FAM98C: variants seen among roughly 807,000 people sequenced by gnomAD.
The protein encoded by FAM98C is tRNA splicing ligase complex subunit 3C, also known as protein FAM98C.
Under a neutral mutation model 41.1 loss-of-function variants are expected in FAM98C, and 38 were observed. The observed-to-expected ratio is 0.92, with a 90% CI of 0.71 to 1.21. The LOEUF (loss-of-function observed/expected upper bound fraction) is 1.21, where lower values mean the gene tolerates loss of function less well. Among genes scored for constraint, FAM98C ranks in the 50% most tolerant of loss-of-function variants. The pLI is 0.00. For missense variants in FAM98C, 493 were observed against 484.7 expected (o/e 1.02, Z -0.16); for synonymous variants, 195 against 216.7 (o/e 0.90, Z 0.88).
chr19:38,403,377 A>G lies in FAM98C; in HGVS notation c.105A>G (p.Ser35=). Residue 35 remains serine, a synonymous_variant, in exon 2 of 8, where the codon TCA becomes TCG. Coordinates refer to ENST00000252530, the MANE Select transcript of FAM98C (RefSeq NM_174905.4). The part of the protein sequence containing the change: ...GVPGAASRGA[S]CPDFRGLCVR... Reference sequence around the variant, plus strand: ...CGGGGGCGGCGTCGCGGGGCGCCTCATGCCCAGACTTCAGGGGGCTGTGCG... The same window carrying G: ...CGGGGGCGGCGTCGCGGGGCGCCTCGTGCCCAGACTTCAGGGGGCTGTGCG... 1 of 1,470,942 alleles carries G rather than the reference A, an allele frequency of 6.8e-7. No individual in the cohort carries two copies. Among genetic ancestry groups the G allele is most frequent in the Non-Finnish European group, 8.9e-7 (1 of 1,125,722 alleles). 91.1% of individuals were successfully genotyped at this position (1,470,942 alleles called of 1,614,324 possible).
Position 38,403,607 on chromosome 19 carries a change from C to A in FAM98C, c.262C>A (p.Arg88=), listed in dbSNP as rs752268346. 7 of 1,495,470 alleles carry A rather than the reference C, an allele frequency of 4.7e-6. No homozygotes were observed. The highest frequency in any genetic ancestry group is 6.2e-6 in the Non-Finnish European group (7 of 1,133,242). The allele number at this position is 1,495,470 out of a possible 1,614,324, so 92.6% of individuals were successfully genotyped here. The change falls in exon 3 of 8, where the codon CGG becomes AGG. Residue 88 remains arginine, a synonymous_variant. Coordinates refer to ENST00000252530, the MANE Select transcript of FAM98C (RefSeq NM_174905.4). ...TCTGCGGCAGCTCGGCAGCCTGCTGCGGGAGCTGCACTGCCCGGATCGCGC... is the reference window on the plus strand; with the variant it reads ...TCTGCGGCAGCTCGGCAGCCTGCTGAGGGAGCTGCACTGCCCGGATCGCGC... ...DFLRQLGSLL[R]ELHCPDRALC... is the part of the protein sequence containing the mutation.
In FAM98C at chr19:38,403,695, G is replaced by A. The variant is rs770710021; in HGVS notation, c.349+1G>A. On this transcript the variant is annotated splice_donor_variant, in intron 3 of 7. Coordinates refer to ENST00000252530, the MANE Select transcript of FAM98C (RefSeq NM_174905.4). LOFTEE classifies it high-confidence loss of function. ...CCCGGTGCCGGACTGCGCCTGCTGC[G>A]TGAGTCCCGGGATGCAGAAGTGGCA... The A allele has an allele frequency of 1.4e-6, 2 of 1,409,356 alleles. No individual in the cohort carries two copies. Among genetic ancestry groups the A allele is most frequent in the South Asian group, 1.6e-5 (1 of 63,120 alleles). 87.3% of individuals were successfully genotyped at this position (1,409,356 alleles called of 1,614,324 possible).
chr19:38,408,412 A>G, intron 7 of FAM98C: 1 of 228,704 alleles, frequency 4.4e-6, no homozygotes, highest in Non-Finnish European at 8.8e-6. Flanking sequence ...ATAAAAAATT[A>G]GCCAGGCGTG....
In FAM98C at chr19:38,408,751, G is replaced by A. The variant is rs1235476612; in HGVS notation, c.919G>A (p.Val307Met). 6.2e-7 allele frequency: 1 copy of A among 1,614,008 alleles called. No individual in the cohort carries two copies. The highest frequency in any genetic ancestry group is 1.7e-5 in the Admixed American group (1 of 60,002). ...RRGTCCAINKVLMGNVPDRGG... is the reference protein window; with the variant it reads ...RRGTCCAINKMLMGNVPDRGG... ...CAACTCAAATCTCATAAACTCTCAG[G>A]TGCTTATGGGCAACGTTCCAGACCG... The change falls in exon 8 of 8, where the codon GTG becomes ATG. Residue 307 changes from valine to methionine, a missense_variant and splice_region_variant. Coordinates refer to ENST00000252530, the MANE Select transcript of FAM98C (RefSeq NM_174905.4).
At chr19:38,405,486 C>A (rs1475617374) in intron 5 of FAM98C, 33 bp from the exon 6 acceptor site, 2 of 1,613,928 alleles carry the variant, frequency 1.2e-6, no homozygotes, top group Non-Finnish European at 1.7e-6. Flanking sequence ...GTGAGAGGGA[C>A]CCCTAGCCTG....
In FAM98C at chr19:38,403,221, A is replaced by G. The variant is rs375145477; in HGVS notation, c.65+3A>G. ...GCCCAGGACCTGCTGGCTCTGGGGTAAAAGGGTGTGCGGTGAGGCTGGTGG... is the reference window on the plus strand; with the variant it reads ...GCCCAGGACCTGCTGGCTCTGGGGTGAAAGGGTGTGCGGTGAGGCTGGTGG... On this transcript the variant is annotated splice_donor_region_variant and intron_variant, in intron 1 of 7. Coordinates refer to ENST00000252530, the MANE Select transcript of FAM98C (RefSeq NM_174905.4). 3.1e-4 allele frequency: 481 copies of G among 1,558,560 alleles called. 1 individual carries two copies. In the African/African-American group the frequency reaches 5.6e-3, roughly 18 times the overall value.
In FAM98C at chr19:38,409,038, C is replaced by A; in HGVS notation, c.*156C>A. The A allele has an allele frequency of 3.1e-6, 2 of 638,698 alleles. No homozygotes were observed. Among genetic ancestry groups the A allele is most frequent in the Non-Finnish European group, 4.9e-6 (2 of 410,888 alleles). 39.6% of individuals were successfully genotyped at this position (638,698 alleles called of 1,614,324 possible). On this transcript the variant is annotated 3_prime_UTR_variant, in exon 8 of 8. Coordinates refer to ENST00000252530, the MANE Select transcript of FAM98C (RefSeq NM_174905.4). Reference sequence around the variant, plus strand: ...CCAAATGCCCTGCTCCCATTCACGTCAATACCAAGAACCATGTTCTCCAGA... The same window carrying A: ...CCAAATGCCCTGCTCCCATTCACGTAAATACCAAGAACCATGTTCTCCAGA...
In FAM98C at chr19:38,404,949, C is replaced by G; in HGVS notation, c.391C>G (p.Leu131Val). The G allele has an allele frequency of 1.2e-5, 19 of 1,614,164 alleles. No individual in the cohort carries two copies. The highest frequency in any genetic ancestry group is 1.6e-5 in the Non-Finnish European group (19 of 1,180,032). The change falls in exon 4 of 8, where the codon CTC becomes GTC. Residue 131 changes from leucine (L) to valine (V), a missense_variant. Coordinates refer to ENST00000252530, the MANE Select transcript of FAM98C (RefSeq NM_174905.4). Reference protein sequence around the residue: ...SELQATRLLCLRSLLDPSPRP... With the variant: ...SELQATRLLCVRSLLDPSPRP... ...GCTCCAAGCCACCCGCCTCCTGTGCCTCCGCTCTCTGCTGGATCCGAGTCC... is the reference window on the plus strand; with the variant it reads ...GCTCCAAGCCACCCGCCTCCTGTGCGTCCGCTCTCTGCTGGATCCGAGTCC...
intron 6 of FAM98C, chr19:38,406,555 C>T (rs376790597): frequency 1.6e-5 from 3 of 189,802 alleles, no homozygotes; most frequent in Admixed American, 5.3e-5. Context: ...GCAAGAGGAT[C>T]ACTTGAGCTC....
At chr19:38,405,919 C>T (rs559389536) in intron 6 of FAM98C, 56 of 339,340 alleles carry the variant, frequency 1.7e-4, no homozygotes, top group African/African-American at 9.9e-4. Context: ...TGTGGTGGTG[C>T]GATCTCAGCT....
In FAM98C at chr19:38,408,852, T is replaced by G; in HGVS notation, c.1020T>G (p.Cys340Trp). Residue 340 changes from cysteine (C) to tryptophan (W), a missense_variant, in exon 8 of 8, where the codon TGT becomes TGG. Coordinates refer to ENST00000252530, the MANE Select transcript of FAM98C (RefSeq NM_174905.4). ...GAAGAGAGGATGGAGGCCCCCAGTG[T>G]TGGGGTCGCAAGAAGAAGAAGAAGA... ...RSRREDGGPQ[C>W]WGRKKKKKK is the part of the protein sequence containing the mutation. 1 of 1,590,954 alleles carries G rather than the reference T, an allele frequency of 6.3e-7. No homozygotes were observed.
In FAM98C at chr19:38,403,637, T is replaced by C. The variant is rs1970998050; in HGVS notation, c.292T>C (p.Cys98Arg). 2.1e-6 allele frequency: 3 copies of C among 1,420,280 alleles called. No homozygotes were observed. Among genetic ancestry groups the C allele is most frequent in the Non-Finnish European group, 2.7e-6 (3 of 1,097,160 alleles). 88.0% of individuals were successfully genotyped at this position (1,420,280 alleles called of 1,614,324 possible). The change falls in exon 3 of 8, where the codon TGC (cysteine) becomes CGC (arginine). Residue 98 changes from cysteine to arginine, a missense_variant. Cys to Arg is a radical substitution (Grantham distance 180). Transcript: ENST00000252530. Reference sequence around the variant, plus strand: ...GCTGCACTGCCCGGATCGCGCGCTCTGCGGCGGGGATGGCGCGGCTGCGCT... The same window carrying C: ...GCTGCACTGCCCGGATCGCGCGCTCCGCGGCGGGGATGGCGCGGCTGCGCT... ...RELHCPDRAL[C>R]GGDGAAALRE...
chr19:38,406,852 C>G, intron 6 of FAM98C, 58 bp from the exon 7 acceptor site: 1 of 1,555,476 alleles, frequency 6.4e-7, no homozygotes, highest in Non-Finnish European at 8.8e-7. Context: ...TCCAAGATGA[C>G]AGGTCCCACG....
chr19:38,403,163 G>T lies in FAM98C; in HGVS notation c.10G>T (p.Val4Leu). The part of the protein sequence containing the change: MEA[V>L]KAEAWEGAAV... ...CCGAGACCACACTTTCATGGAGGCG[G>T]TGAAGGCGGAAGCGTGGGAGGGGGC... Residue 4 changes from valine to leucine, a missense_variant, in exon 1 of 8, where the codon GTG becomes TTG. Val to Leu is a conservative substitution (Grantham distance 32, BLOSUM62 1). Transcript: ENST00000252530. 1 of 1,532,414 alleles carries T rather than the reference G, an allele frequency of 6.5e-7. No homozygotes were observed. Among genetic ancestry groups the T allele is most frequent in the Non-Finnish European group, 8.7e-7 (1 of 1,152,870 alleles). The allele number at this position is 1,532,414 out of a possible 1,614,324, so 94.9% of individuals were successfully genotyped here.
At position 38,407,004 on chromosome 19, in the gene FAM98C, G is replaced by T; in HGVS notation, c.845G>T (p.Arg282Leu). 1.2e-6 allele frequency: 2 copies of T among 1,614,172 alleles called. No homozygotes were observed. Among genetic ancestry groups the T allele is most frequent in the East Asian group, 2.2e-5 (1 of 44,870 alleles). Residue 282 changes from arginine to leucine, a missense_variant, in exon 7 of 8, where the codon CGA becomes CTA. Transcript: ENST00000252530. ...DISIAHVLAARADLSCLVPAT... is the reference protein window; with the variant it reads ...DISIAHVLAALADLSCLVPAT... ...TCCATTGCACACGTTCTGGCTGCCC[G>T]AGCCGACCTGTCTTGTCTCGTCCCA...
rs10153497 is a variant in FAM98C at position 38,406,606 on chromosome 19, G to A, written c.751-304G>A. 5.6e-3 allele frequency: 1,474 copies of A among 261,154 alleles called. 21 individuals are homozygous for A. Among genetic ancestry groups the A allele is most frequent in the African/African-American group, 0.029 (1,333 of 45,860 alleles). The allele number at this position is 261,154 out of a possible 1,614,324, so 16.2% of individuals were successfully genotyped here. On this transcript the variant is annotated intron_variant, in intron 6 of 7. Coordinates refer to ENST00000252530, the MANE Select transcript of FAM98C (RefSeq NM_174905.4). ...CCTTGGGCAACATAGCAAGACCCCC[G>A]TCTCTACTAAAAATTAAAAAAAAAA... is the stretch of plus-strand genomic sequence containing the variant.
intron 3 of FAM98C, 90 bp from the exon 4 acceptor site, chr19:38,404,818 C>G: frequency 6.9e-7 from 1 of 1,446,412 alleles, no homozygotes; most frequent in Non-Finnish European, 9.7e-7. Flanking sequence ...TGTGAGCCAC[C>G]GCACCCGGCC....
In FAM98C at chr19:38,405,553, A is replaced by G; in HGVS notation, c.668A>G (p.Asp223Gly). Residue 223 changes from aspartate (D) to glycine (G), a missense_variant, in exon 6 of 8, where the codon GAT becomes GGT. By Grantham distance (94) the Asp-to-Gly change is moderately conservative (BLOSUM62 -1). Coordinates refer to ENST00000252530, the MANE Select transcript of FAM98C (RefSeq NM_174905.4). ...GAGTCTCTGTCCCAAAGCCTCAGAG[A>G]TCAGTACCGCTGCCGCCGCTGCCTC... ...ALESLSQSLRDQYRCRRCLLL... is the reference protein window; with the variant it reads ...ALESLSQSLRGQYRCRRCLLL... 1.2e-6 allele frequency: 2 copies of G among 1,614,158 alleles called. No individual in the cohort carries two copies. The highest frequency in any genetic ancestry group is 8.5e-7 in the Non-Finnish European group (1 of 1,180,028).
chr19:38,407,532 G>A lies in FAM98C; in HGVS notation c.918+455G>A, dbSNP rs1045873285. On this transcript the variant is annotated intron_variant, in intron 7 of 7. Coordinates refer to ENST00000252530, the MANE Select transcript of FAM98C (RefSeq NM_174905.4). ...ATTACAGGCACCCACCACCATGTCCGGCTAATTTTTGTATCTTTAGTAGTG... is the reference window on the plus strand; with the variant it reads ...ATTACAGGCACCCACCACCATGTCCAGCTAATTTTTGTATCTTTAGTAGTG... The A allele has an allele frequency of 7.2e-5, 12 of 166,932 alleles. 1 individual carries two copies. The highest frequency in any genetic ancestry group is 5.5e-4 in the South Asian group (4 of 7,300). 10.3% of individuals were successfully genotyped at this position (166,932 alleles called of 1,614,324 possible).
Sources: gnomAD v4.1 joint callset for allele counts on GRCh38, gnomAD v4.1.1 for gene constraint, MANE v1.5 for transcripts, NCBI Gene and HGNC (gene_info 2026-07-23, HGNC 2026-07-21) for gene names.